Variants in COL4A1 observed in about 807,000 individuals in gnomAD.
COL4A1 encodes the protein collagen type IV alpha 1 chain.
In COL4A1, 40 loss-of-function variants were observed where a neutral mutation model predicts 216.6. The ratio of observed to expected loss-of-function variants is 0.18; its 90% CI spans 0.14 to 0.24. The LOEUF (loss-of-function observed/expected upper bound fraction) is 0.24, where lower values mean the gene tolerates loss of function less well. Among genes scored for constraint, COL4A1 ranks in the 10% least tolerant of loss-of-function variants. The pLI is 1.00. For synonymous variants in COL4A1, 839 were observed against 810.7 expected, an observed-to-expected ratio of 1.03 and a Z score of -0.59; for missense variants, 1,628 against 2,196.8, an observed-to-expected ratio of 0.74 and a Z score of 5.18.
At chr13:110,223,525 C>T (rs994332967) in intron 2 of COL4A1, among the ~76,000 whole-genome samples, 3 of 152,164 alleles carry the variant, frequency 2.0e-5, no homozygotes, top group African/African-American at 7.2e-5. Context: ...TTCTGTTTCT[C>T]AAATATATAT....
intron 43 of COL4A1, 73 bp from the exon 44 acceptor site, chr13:110,167,303 G>A (rs1042323735): frequency 8.8e-7 from 1 of 1,130,258 alleles, no homozygotes; most frequent in African/African-American, 1.5e-5. Flanking sequence ...CCTGCTAGTT[G>A]GAAAATGGAA....
In COL4A1 at chr13:110,164,914, G is replaced by T. The variant is rs757948524; in HGVS notation, c.4098C>A (p.Gly1366=). The change falls in exon 46 of 52, where the codon GGC becomes GGA. Residue 1366 remains glycine (G), a synonymous_variant. Transcript: ENST00000375820. ...CCTGAAGCCCTTTCAGCCCTGGGGG[G>T]CCCTCAGGACCAGGGAGCCCGGGCT... ...KGEPGLPGPE[G]PPGLKGLQGL... The T allele has an allele frequency of 1.2e-6, 2 of 1,607,586 alleles. No homozygotes were observed. The highest frequency in any genetic ancestry group is 1.7e-6 in the Non-Finnish European group (2 of 1,177,146).
chr13:110,205,278 C>T lies in COL4A1; in HGVS notation c.957+75G>A, dbSNP rs546404411. ...TCCCTTGAGTACAGAGTCCTTTATT[C>T]TAGGAAAGAATAAACAGACTTCTGG... On this transcript the variant is annotated intron_variant, in intron 17 of 51. Coordinates refer to ENST00000375820, the MANE Select transcript of COL4A1 (RefSeq NM_001845.6). 4.4e-6 allele frequency: 7 copies of T among 1,574,388 alleles called. No individual in the cohort carries two copies. The East Asian group carries it at 1.6e-4, about 35-fold the overall frequency.
chr13:110,231,452 C>A (rs998636210), intron 2 of COL4A1, among the ~76,000 whole-genome samples: 2 of 152,196 alleles, frequency 1.3e-5, no homozygotes, highest in Non-Finnish European at 2.9e-5. Context: ...TTGGGGCCTG[C>A]GAATGACCGT....
At chr13:110,215,200 T>A (rs896625542) in intron 2 of COL4A1, among the ~76,000 whole-genome samples, 1 of 152,148 alleles carries the variant, frequency 6.6e-6, no homozygotes, top group Non-Finnish European at 1.5e-5. Context: ...TCATGCAAGA[T>A]GCTTAGCCTC....
intron 1 of COL4A1, among the ~76,000 whole-genome samples, chr13:110,263,273 G>A (rs1441258413): frequency 6.6e-6 from 1 of 152,088 alleles, no homozygotes; most frequent in Non-Finnish European, 1.5e-5. Flanking sequence ...TTCAAAATCA[G>A]GAACGGAGGT....
chr13:110,178,285 C>T, intron 31 of COL4A1, 54 bp from the exon 32 acceptor site: 1 of 1,606,428 alleles, frequency 6.2e-7, no homozygotes, highest in South Asian at 1.1e-5. Context: ...GAATGATCTA[C>T]AATGTACAGT....
At chr13:110,203,461 G>T in intron 18 of COL4A1, 105 bp downstream of exon 18, 1 of 1,304,098 alleles carries the variant, frequency 7.7e-7, no homozygotes, top group Non-Finnish European at 1.1e-6. Flanking sequence ...CGCTCTCACA[G>T]ACCCAGGGTC....
At position 110,192,161 on chromosome 13, in the gene COL4A1, C is replaced by A. The variant is rs1053085400; in HGVS notation, c.1536+53G>T. 1.9e-6 allele frequency: 3 copies of A among 1,571,090 alleles called. No homozygotes were observed. In the East Asian group the frequency reaches 6.7e-5, roughly 35 times the overall value. ...ATGCAAAACGACACAACTCTGTCCACGTGCTTGGTGGCAACTTCTGATATG... is the reference window on the plus strand; with the variant it reads ...ATGCAAAACGACACAACTCTGTCCAAGTGCTTGGTGGCAACTTCTGATATG... On this transcript the variant is annotated intron_variant, in intron 24 of 51. Coordinates refer to ENST00000375820, the MANE Select transcript of COL4A1 (RefSeq NM_001845.6).
chr13:110,259,792 G>C (rs1882742154), intron 1 of COL4A1, among the ~76,000 whole-genome samples: 1 of 152,228 alleles, frequency 6.6e-6, no homozygotes, highest in Non-Finnish European at 1.5e-5. Context: ...GAAAGGAAGT[G>C]GGAGCTAAGT....
At chr13:110,299,570 C>G (rs369192447) in intron 1 of COL4A1, among the ~76,000 whole-genome samples, 1 of 152,218 alleles carries the variant, frequency 6.6e-6, no homozygotes. Context: ...TGCCCTCATC[C>G]CCATCATACA....
At chr13:110,179,199 A>AG in intron 30 of COL4A1, 72 bp downstream of exon 30, 1 of 1,592,798 alleles carries the variant, frequency 6.3e-7, no homozygotes, top group Non-Finnish European at 8.6e-7. Flanking sequence ...TATACTCGGT[A>AG]GGGGCTCTGG....
intron 21 of COL4A1, among the ~76,000 whole-genome samples, chr13:110,196,932 G>A (rs1259086769): frequency 6.6e-6 from 1 of 151,900 alleles, no homozygotes; most frequent in Non-Finnish European, 1.5e-5. Context: ...ATTATTACTC[G>A]ATACTCTGTG....
intron 28 of COL4A1, 119 bp from the exon 29 acceptor site, chr13:110,181,508 A>C (rs1870310277): frequency 1.9e-6 from 2 of 1,050,000 alleles, no homozygotes; most frequent in Non-Finnish European, 2.9e-6. Flanking sequence ...GAGAAGGTCA[A>C]CTGTGGAGGC....
chr13:110,238,802 T>C (rs1456968837), intron 2 of COL4A1, among the ~76,000 whole-genome samples: 1 of 152,210 alleles, frequency 6.6e-6, no homozygotes, highest in Non-Finnish European at 1.5e-5. Flanking sequence ...AAAACATAAA[T>C]GGTTAATTTC....
Position 110,205,359 on chromosome 13 carries a change from G to A in COL4A1, c.951C>T (p.Gly317=). 6.2e-7 allele frequency: 1 copy of A among 1,614,074 alleles called. No homozygotes were observed. ...CAATAGTGCCAGCGTTTACCTGCGG[G>A]CCCTGGCGGCCTATGAGTCCTGGGT... ...PGYPGLIGRQ[G]PQGEKGEAGP... is the part of the protein sequence containing the mutation. The change falls in exon 17 of 52, where the codon GGC becomes GGT. Residue 317 remains glycine, a synonymous_variant. Transcript: ENST00000375820.
At chr13:110,240,972 C>A (rs552519685) in intron 2 of COL4A1, among the ~76,000 whole-genome samples, 2 of 152,296 alleles carry the variant, frequency 1.3e-5, no homozygotes, top group African/African-American at 4.8e-5. Flanking sequence ...TGGGTTCAAG[C>A]AATTCTCCTG....
At chr13:110,176,285 C>A in intron 36 of COL4A1, 139 bp downstream of exon 36, 1 of 718,158 alleles carries the variant, frequency 1.4e-6, no homozygotes. Flanking sequence ...CCATTCAGAG[C>A]TGGGGATGTG....
At chr13:110,279,320 G>C (rs1478654663) in intron 1 of COL4A1, among the ~76,000 whole-genome samples, 1 of 152,110 alleles carries the variant, frequency 6.6e-6, no homozygotes, top group East Asian at 1.9e-4. Flanking sequence ...CCACACCTGA[G>C]GCCCTTCTCA....
Sources: gnomAD v4.1 joint callset for allele counts (sites outside exome capture counted in the v4.1 genomes callset) on GRCh38, gnomAD v4.1.1 for gene constraint, MANE v1.5 for transcripts, NCBI Gene and HGNC (gene_info 2026-07-23, HGNC 2026-07-21) for gene names.